Variants in ACYP2 observed in about 807,000 individuals in gnomAD.
ACYP2 encodes acylphosphatase 2, also known as acylphosphatase-2.
Under a neutral mutation model 11.2 loss-of-function variants are expected in ACYP2, and 12 were observed. The ratio of observed to expected loss-of-function variants is 1.08; its 90% CI spans 0.69 to 1.74. ACYP2 has a LOEUF of 1.74. ACYP2 is among the 40% of genes most tolerant of loss of function. The pLI is 0.00. For synonymous variants in ACYP2, 43 were observed against 32.2 expected, an observed-to-expected ratio of 1.33 and a Z score of -1.13; for missense variants, 134 against 101.9, an observed-to-expected ratio of 1.31 and a Z score of -1.35.
chr2:53,973,987 A>C (rs1308986102), intron 2 of ACYP2, among the ~76,000 whole-genome samples: 1 of 148,096 alleles, frequency 6.8e-6, no homozygotes, highest in Non-Finnish European at 1.5e-5. Context: ...GCTCACTGCA[A>C]TCTCCGCCTC....
At chr2:54,106,305 C>G (rs2103710117) in intron 4 of ACYP2, among the ~76,000 whole-genome samples, 1 of 149,320 alleles carries the variant, frequency 6.7e-6, no homozygotes. Context: ...CTCAAGTGAT[C>G]CTCCCGCCTT....
intron 6 of ACYP2, among the ~76,000 whole-genome samples, chr2:54,149,932 G>A (rs929806952): frequency 1.3e-5 from 2 of 152,186 alleles, no homozygotes; most frequent in Admixed American, 1.3e-4. Context: ...TGATACATAG[G>A]AAAGGGTAAA....
chr2:54,025,467 A>G (rs1201648060), intron 2 of ACYP2, among the ~76,000 whole-genome samples: 2 of 152,148 alleles, frequency 1.3e-5, no homozygotes, highest in Non-Finnish European at 2.9e-5. Flanking sequence ...ACAAAAACAT[A>G]AAGTGGGGAA....
chr2:54,043,486 C>T (rs1013374175), intron 2 of ACYP2, among the ~76,000 whole-genome samples: 1 of 152,064 alleles, frequency 6.6e-6, no homozygotes, highest in Non-Finnish European at 1.5e-5. Flanking sequence ...TTTCAAATGC[C>T]CTGCAGGGCA....
At chr2:54,019,152 A>C (rs1478491500) in intron 2 of ACYP2, among the ~76,000 whole-genome samples, 1 of 150,280 alleles carries the variant, frequency 6.7e-6, no homozygotes, top group African/African-American at 2.5e-5. Context: ...CTGCAGCTTC[A>C]ACCTCCTGGG....
intron 6 of ACYP2, among the ~76,000 whole-genome samples, chr2:54,158,066 C>T (rs1682513712): frequency 1.3e-5 from 2 of 151,958 alleles, no homozygotes; most frequent in South Asian, 4.2e-4. Flanking sequence ...CACTCCAGCG[C>T]CCAGGCTGGA....
In ACYP2 at chr2:54,300,800, T is replaced by G. The variant is rs188852304; in HGVS notation, c.405-3888T>G. Among the ~76,000 whole-genome samples the G allele has an allele frequency of 6.0e-3, 909 of 152,324 alleles. 5 individuals are homozygous for G. The highest frequency in any genetic ancestry group is 8.7e-3 in the Non-Finnish European group (593 of 68,028). On this transcript the variant is annotated intron_variant, in intron 6 of 6. Coordinates refer to ENST00000607452, the MANE Select transcript of ACYP2 (RefSeq NM_001320586.2). ...TTGCCCTTTCAAAAAGCTGTACAAT[T>G]TTGCACTCCCATTACCAATGTAGAA... is the stretch of plus-strand genomic sequence containing the variant.
chr2:54,063,514 G>T (rs923325954), intron 4 of ACYP2, among the ~76,000 whole-genome samples: 1 of 152,172 alleles, frequency 6.6e-6, no homozygotes, highest in Non-Finnish European at 1.5e-5. Context: ...CCCAGGAGAG[G>T]CATCAGCAGG....
chr2:53,988,498 T>A (rs954435082), intron 2 of ACYP2, among the ~76,000 whole-genome samples: 1 of 152,044 alleles, frequency 6.6e-6, no homozygotes, highest in African/African-American at 2.4e-5. Context: ...CCTCCCAGGT[T>A]CAAGTGATCC....
intron 2 of ACYP2, among the ~76,000 whole-genome samples, chr2:53,998,420 G>C (rs1199629923): frequency 6.6e-6 from 1 of 152,204 alleles, no homozygotes; most frequent in African/African-American, 2.4e-5. Context: ...CAGAAAAAGT[G>C]AAAGAGGATG....
intron 2 of ACYP2, among the ~76,000 whole-genome samples, chr2:54,047,236 C>T (rs1359076005): frequency 6.6e-6 from 1 of 152,208 alleles, no homozygotes; most frequent in Admixed American, 6.5e-5. Context: ...GCTTCACTGA[C>T]ACATTTTGTG....
chr2:54,003,694 A>G (rs1672917035), intron 2 of ACYP2, among the ~76,000 whole-genome samples: 2 of 152,178 alleles, frequency 1.3e-5, no homozygotes, highest in Admixed American at 6.5e-5. Flanking sequence ...AACTGCTATT[A>G]ATATCTATGT....
intron 4 of ACYP2, among the ~76,000 whole-genome samples, chr2:54,120,230 T>G (rs545558423): frequency 9.8e-5 from 15 of 152,336 alleles, no homozygotes; most frequent in Non-Finnish European, 1.5e-5. Context: ...GCTCCACGTT[T>G]TTTCCCCATC....
intron 6 of ACYP2, among the ~76,000 whole-genome samples, chr2:54,261,868 CTGTT>C (rs1044356005): frequency 1.3e-5 from 2 of 152,116 alleles, no homozygotes; most frequent in African/African-American, 2.4e-5. Flanking sequence ...GTTTATCAAA[CTGTT>C]TGTGAAGGAA....
intron 4 of ACYP2, among the ~76,000 whole-genome samples, chr2:54,124,452 T>A (rs960554906): frequency 6.6e-6 from 1 of 152,148 alleles, no homozygotes; most frequent in Non-Finnish European, 1.5e-5. Flanking sequence ...CTCCTCGGCC[T>A]CCCAAAGTGC....
chr2:54,180,581 G>GTC (rs2103867471), intron 6 of ACYP2, among the ~76,000 whole-genome samples: 1 of 152,290 alleles, frequency 6.6e-6, no homozygotes, highest in South Asian at 2.1e-4. Context: ...TTGAGACAGA[G>GTC]TCTTGCTGTG....
intron 2 of ACYP2, among the ~76,000 whole-genome samples, chr2:53,992,553 G>A (rs968907481): frequency 3.9e-4 from 59 of 152,176 alleles, no homozygotes; most frequent in Middle Eastern, 3.4e-3. Flanking sequence ...TTTGGAGGTC[G>A]GGTGCGGTGG....
intron 2 of ACYP2, among the ~76,000 whole-genome samples, chr2:54,035,024 A>ATT (rs1558484913): frequency 3.6e-5 from 5 of 138,344 alleles, no homozygotes; most frequent in African/African-American, 1.4e-4. Flanking sequence ...AAAAAAAAAA[A>ATT]AAAAAAAAGC....
chr2:54,103,582 A>G (rs1366940010), intron 4 of ACYP2, among the ~76,000 whole-genome samples: 2 of 152,196 alleles, frequency 1.3e-5, no homozygotes, highest in Admixed American at 6.5e-5. Context: ...TCTAAACACT[A>G]AATAGTTGTA....
Sources: gnomAD v4.1 joint callset for allele counts (sites outside exome capture counted in the v4.1 genomes callset) on GRCh38, gnomAD v4.1.1 for gene constraint, MANE v1.5 for transcripts, NCBI Gene and HGNC (gene_info 2026-07-23, HGNC 2026-07-21) for gene names.